MTERF4: variants seen among roughly 807,000 people sequenced by gnomAD.
MTERF4 encodes the protein mitochondrial transcription termination factor 4.
MTERF4 carries 17 observed loss-of-function variants against 22.5 expected under a neutral mutation model. That is an observed-to-expected ratio of 0.75 (90% CI 0.52 to 1.13). MTERF4 has a LOEUF of 1.13. MTERF4 is among the 50% of genes most tolerant of loss of function. The pLI, the probability that MTERF4 is intolerant of heterozygous loss-of-function variation, is 0.00. For synonymous variants in MTERF4, 165 were observed against 175.3 expected (o/e 0.94, Z 0.47); for missense variants, 420 against 466.8 (o/e 0.90, Z 0.92).
At chr2:241,063,345 G>T in the MTERF4 span, 1 of 553,880 alleles carries the variant, frequency 1.8e-6, no homozygotes. Context: ...GCCTCCCATT[G>T]CGGAGTGGCC....
the MTERF4 span, chr2:241,051,447 G>A: frequency 6.1e-6 from 2 of 330,414 alleles, no homozygotes; most frequent in Non-Finnish European, 1.1e-5. The surrounding 1 kb of genome is among the most constrained non-coding windows in gnomAD (Gnocchi z 4.7). Flanking sequence ...GCCCGCTGCA[G>A]TGTTGGGGCC....
chr2:241,091,304 C>T (rs1185264103), downstream of MTERF4, among the ~76,000 whole-genome samples: 1 of 152,186 alleles, frequency 6.6e-6, no homozygotes, highest in African/African-American at 2.4e-5. This position sits in a 1 kb window ranked among gnomAD's most constrained non-coding sequence, Gnocchi z 4.1. Context: ...GAGTCGTTAC[C>T]GGAAGGAGGA....
At chr2:241,052,687 CGG>C in the MTERF4 span, among the ~76,000 whole-genome samples, 268 of 1,692 alleles carry the variant, frequency 0.16, 7 homozygotes, top group African/African-American at 0.36. Flanking sequence ...GTGAGAGGGT[CGG>C]CGGGGGGGGG....
chr2:241,064,097 G>T, the MTERF4 span: 1 of 1,567,120 alleles, frequency 6.4e-7, no homozygotes. The surrounding 1 kb of genome is among the most constrained non-coding windows in gnomAD (Gnocchi z 7.0). Flanking sequence ...TCTGCCCAGA[G>T]AGCTTCTTCG....
chr2:241,093,047 T>G (rs1160546563), downstream of MTERF4: 1 of 152,260 alleles, frequency 6.6e-6, no homozygotes, highest in African/African-American at 2.4e-5. Flanking sequence ...AGGCTTTTTA[T>G]CTTTATTAAA....
downstream of MTERF4, among the ~76,000 whole-genome samples, chr2:241,067,266 G>A (rs935501070): frequency 1.2e-4 from 18 of 152,210 alleles, no homozygotes; most frequent in Admixed American, 2.0e-4. Flanking sequence ...CTGGAGCTTC[G>A]GAGGAGACTG....
the MTERF4 span, chr2:241,053,028 C>G: frequency 3.3e-6 from 3 of 897,874 alleles, no homozygotes; most frequent in Non-Finnish European, 5.0e-6. Flanking sequence ...GCACCTTTCC[C>G]CGGTGAAGGG....
At chr2:241,043,255 C>G in the MTERF4 span, among the ~76,000 whole-genome samples, 1 of 152,112 alleles carries the variant, frequency 6.6e-6, no homozygotes, top group Non-Finnish European at 1.5e-5. Flanking sequence ...TAAAAAACCT[C>G]AAAAACAGCC....
chr2:241,073,706 C>T lies in MTERF4; in HGVS notation n.2456G>A, dbSNP rs1473006007. On this transcript the variant is annotated non_coding_transcript_exon_variant, in exon 5 of 5. Transcript: ENST00000464344. The surrounding 1 kb of genome is among the most constrained non-coding windows in gnomAD (Gnocchi z 6.6). ...CCCCAGCCCCTGCCTCTGGGCCCCT[C>T]ACCCCTCACTTCTCCAAAGAGGAGC... 1 of 454,524 alleles carries T rather than the reference C, an allele frequency of 2.2e-6. No individual in the cohort carries two copies. The highest frequency in any genetic ancestry group is 3.9e-6 in the Non-Finnish European group (1 of 256,562). The allele number at this position is 454,524 out of a possible 1,614,324, so 28.2% of individuals were successfully genotyped here.
At chr2:241,045,344 A>G in the MTERF4 span, among the ~76,000 whole-genome samples, 1 of 152,222 alleles carries the variant, frequency 6.6e-6, no homozygotes. Context: ...TTAGAAAACC[A>G]AAACAATTTT....
At chr2:241,090,235 G>C (rs1174427991), downstream of MTERF4, 6 of 1,491,042 alleles carry the variant, frequency 4.0e-6, no homozygotes, top group African/African-American at 1.4e-5. Context: ...TTTAACTTTT[G>C]TTAAAAACTA....
the MTERF4 span, chr2:241,052,194 G>A: frequency 6.4e-7 from 1 of 1,568,364 alleles, no homozygotes; most frequent in Non-Finnish European, 8.8e-7. Flanking sequence ...GGCGGCCAGG[G>A]GTGAACCCTC....
At chr2:241,053,641 A>G in the MTERF4 span, among the ~76,000 whole-genome samples, 1 of 152,234 alleles carries the variant, frequency 6.6e-6, no homozygotes, top group Non-Finnish European at 1.5e-5. Context: ...CCAGGGGCAG[A>G]GTCCTAAAGA....
At chr2:241,089,452 C>A, downstream of MTERF4, 4 of 1,541,686 alleles carry the variant, frequency 2.6e-6, no homozygotes, top group Middle Eastern at 3.4e-4. Flanking sequence ...CTCACACACA[C>A]CAAAGGAAGA....
At chr2:241,087,751 G>A (rs1000340659), downstream of MTERF4, 46 of 1,219,156 alleles carry the variant, frequency 3.8e-5, no homozygotes, top group Non-Finnish European at 4.6e-5. Context: ...TGCTACAATT[G>A]GGAAGCACAG....
the MTERF4 span, chr2:241,050,144 G>C: frequency 1.9e-5 from 12 of 615,694 alleles, no homozygotes; most frequent in Admixed American, 1.8e-4. Context: ...AGGCCTGCTG[G>C]TCATTACCTT....
At chr2:241,080,782 A>T (rs1318312514) in intron 4 of MTERF4, among the ~76,000 whole-genome samples, 1 of 152,226 alleles carries the variant, frequency 6.6e-6, no homozygotes, top group African/African-American at 2.4e-5. Context: ...CTTGCTGAGG[A>T]CCAACTCGGT....
chr2:241,052,062 C>T, the MTERF4 span: 1 of 1,613,896 alleles, frequency 6.2e-7, no homozygotes, highest in East Asian at 2.2e-5. Context: ...TCGTGTGCCT[C>T]TGGCCCCTGT....
At chr2:241,050,019 C>A in the MTERF4 span, 2 of 991,370 alleles carry the variant, frequency 2.0e-6, no homozygotes, top group South Asian at 2.6e-5. Flanking sequence ...CTGTCTCTCT[C>A]CTTGTTTCGC....
Sources: gnomAD v4.1 joint callset for allele counts (sites outside exome capture counted in the v4.1 genomes callset) on GRCh38, gnomAD v4.1.1 for gene constraint, Gnocchi (gnomAD v3.1) non-coding constraint, MANE v1.5 for transcripts, NCBI Gene and HGNC (gene_info 2026-07-23, HGNC 2026-07-21) for gene names.